The following DMTN variants were observed in gnomAD, a reference collection of about 807,000 sequenced individuals.
The protein encoded by DMTN is dematin actin binding protein, also known as dematin.
DMTN carries 27 observed loss-of-function variants against 59.4 expected under a neutral mutation model. The observed-to-expected ratio is 0.45, with a 90% CI of 0.33 to 0.63. The LOEUF is 0.63. Ranked by LOEUF, DMTN falls within the 20% of genes least tolerant of loss-of-function variation. The pLI is 0.02. For missense variants in DMTN, 451 were observed against 528.9 expected, an observed-to-expected ratio of 0.85 and a Z score of 1.45; for synonymous variants, 221 against 203.7, an observed-to-expected ratio of 1.08 and a Z score of -0.72.
At chr8:22,075,611 C>T (rs1490858230) in intron 10 of DMTN, among the ~76,000 whole-genome samples, 3 of 148,456 alleles carry the variant, frequency 2.0e-5, no homozygotes, top group African/African-American at 7.4e-5. Context: ...CACTGCCTCC[C>T]AGGTTCAAGC....
chr8:22,082,309 G>A lies in DMTN; in HGVS notation c.*846G>A. 2.2e-6 allele frequency: 1 copy of A among 447,854 alleles called. No individual in the cohort carries two copies. The highest frequency in any genetic ancestry group is 3.3e-4 in the Middle Eastern group (1 of 3,036). The allele number at this position is 447,854 out of a possible 1,614,324, so 27.7% of individuals were successfully genotyped here. On this transcript the variant is annotated 3_prime_UTR_variant, in exon 16 of 16. Transcript: ENST00000358242. ...GCTCTCTCAAGAATGTAATTTATTG[G>A]GGCCCCCCCAGCTGCTTTCCTCACC...
At chr8:22,072,128 G>A (rs1465565877) in intron 8 of DMTN, among the ~76,000 whole-genome samples, 198 bp from the exon 9 acceptor site, 14 of 151,976 alleles carry the variant, frequency 9.2e-5, no homozygotes, top group Admixed American at 8.5e-4. Context: ...GGGCTCAAGC[G>A]ATCCTCCCAC....
chr8:22,078,798 G>GTTTTTTTTTTTTTTTT (rs1224977627), intron 10 of DMTN, among the ~76,000 whole-genome samples: 6 of 85,088 alleles, frequency 7.1e-5, no homozygotes, highest in African/African-American at 9.1e-5. Flanking sequence ...ATGTCAGACT[G>GTTTTTTTTTTTTTTTT]TTTTTTTTTT....
chr8:22,057,611 C>T (rs1440023028), intron 1 of DMTN, among the ~76,000 whole-genome samples: 3 of 152,148 alleles, frequency 2.0e-5, no homozygotes, highest in Non-Finnish European at 2.9e-5. Flanking sequence ...GGAGAGCCTG[C>T]CCCCAGCCAG....
chr8:22,068,575 G>A (rs1812630048), intron 4 of DMTN, among the ~76,000 whole-genome samples: 1 of 151,912 alleles, frequency 6.6e-6, no homozygotes, highest in African/African-American at 2.4e-5. Flanking sequence ...AAAGAAAGAT[G>A]AGAGAGGGAT....
intron 1 of DMTN, among the ~76,000 whole-genome samples, chr8:22,062,120 G>A (rs967618240): frequency 1.3e-5 from 2 of 151,474 alleles, no homozygotes; most frequent in African/African-American, 4.9e-5. Context: ...TTCTTTCCCT[G>A]TCCTCTCCTT....
Position 22,081,929 on chromosome 8 carries a change from G to C in DMTN, c.*466G>C. The C allele has an allele frequency of 2.2e-6, 1 of 450,762 alleles. No individual in the cohort carries two copies. The highest frequency in any genetic ancestry group is 4.4e-6 in the Non-Finnish European group (1 of 226,388). 27.9% of individuals were successfully genotyped at this position (450,762 alleles called of 1,614,324 possible). On this transcript the variant is annotated 3_prime_UTR_variant, in exon 16 of 16. Transcript: ENST00000358242. Reference sequence around the variant, plus strand: ...CAGCTTTCCTGCACTGCAGCCTCCTGCTCCTCTGACTCTAGTGGGAACAGG... The same window carrying C: ...CAGCTTTCCTGCACTGCAGCCTCCTCCTCCTCTGACTCTAGTGGGAACAGG...
In DMTN at chr8:22,068,430, T is replaced by TAC. The variant is rs1340849285; in HGVS notation, c.250-586_250-585insAC. Among the ~76,000 whole-genome samples, 7 of 152,294 alleles carry TAC rather than the reference T, an allele frequency of 4.6e-5. No homozygotes were observed. In the East Asian group the frequency reaches 1.4e-3, roughly 29 times the overall value. ...CATCTCTACAAAAATTAGCAAGATGTGGTGCTGTGCACCTGTAGTTTCAGC... is the reference window on the plus strand; with the variant it reads ...CATCTCTACAAAAATTAGCAAGATGTACGGTGCTGTGCACCTGTAGTTTCAGC... On this transcript the variant is annotated intron_variant, in intron 4 of 15. Transcript: ENST00000358242.
intron 1 of DMTN, among the ~76,000 whole-genome samples, chr8:22,057,459 G>A (rs1172238211): frequency 1.3e-5 from 2 of 152,320 alleles, no homozygotes; most frequent in East Asian, 3.9e-4. Context: ...GGGGCACGGG[G>A]TGGGCAGGGG....
At chr8:22,071,767 A>T (rs113980656) in intron 8 of DMTN, among the ~76,000 whole-genome samples, 1,897 of 151,760 alleles carry the variant, frequency 0.013, 42 homozygotes, top group African/African-American at 0.044. Context: ...TTTTTAATAG[A>T]GATGGGGTTT....
chr8:22,077,580 A>C (rs1350307428), intron 10 of DMTN, among the ~76,000 whole-genome samples: 1 of 152,172 alleles, frequency 6.6e-6, no homozygotes, highest in Non-Finnish European at 1.5e-5. Flanking sequence ...TGAAGGTTGG[A>C]TTCAGTGTCA....
Position 22,081,804 on chromosome 8 carries a change from T to C in DMTN, c.*341T>C. ...TTGGTGGTTAGGCCGGTTGGCTGTC[T>C]TGAACAGCTGGAGGGAAGATGCAGG... On this transcript the variant is annotated 3_prime_UTR_variant, in exon 16 of 16. Coordinates refer to ENST00000358242, the MANE Select transcript of DMTN (RefSeq NM_001387751.1). The C allele has an allele frequency of 2.0e-6, 1 of 491,526 alleles. No homozygotes were observed. Among genetic ancestry groups the C allele is most frequent in the South Asian group, 1.6e-5 (1 of 64,270 alleles). 30.4% of individuals were successfully genotyped at this position (491,526 alleles called of 1,614,324 possible).
chr8:22,050,504 T>C (rs1033490007), upstream of DMTN, among the ~76,000 whole-genome samples: 5 of 152,240 alleles, frequency 3.3e-5, no homozygotes, highest in Middle Eastern at 3.4e-3. Context: ...TGCCTCCGCT[T>C]TCTTCTCGGC....
Position 22,069,059 on chromosome 8 carries a change from A to T in DMTN, c.293A>T (p.Glu98Val). The change falls in exon 5 of 16, where the codon GAG becomes GTG. Residue 98 changes from glutamate to valine, a missense_variant and splice_region_variant. By Grantham distance (121) the Glu-to-Val change is moderately radical. Transcript: ENST00000358242. ...PKSTSPPPSP[E>V]VWADSRSPGI... The stretch of plus-strand genomic sequence containing the variant: ...TCCACATCCCCCCCACCATCCCCAG[A>T]GGTGAGTCTGCCCCACACCTGCAAC... The T allele has an allele frequency of 3.1e-6, 5 of 1,611,620 alleles. No homozygotes were observed. The highest frequency in any genetic ancestry group is 4.2e-6 in the Non-Finnish European group (5 of 1,178,770).
Position 22,067,073 on chromosome 8 carries a change from C to G in DMTN, c.19-12C>G, listed in dbSNP as rs746360648. On this transcript the variant is annotated splice_polypyrimidine_tract_variant and intron_variant, in intron 2 of 15. Coordinates refer to ENST00000358242, the MANE Select transcript of DMTN (RefSeq NM_001387751.1). ...GCACGTGCCCACCCGCCCGCCTTCT[C>G]GCTCTCCCCAGCAACCACTTACCTC... The G allele has an allele frequency of 6.3e-7, 1 of 1,575,074 alleles. No individual in the cohort carries two copies. The highest frequency in any genetic ancestry group is 1.8e-5 in the Admixed American group (1 of 56,172).
chr8:22,062,235 G>A (rs1038075469), intron 1 of DMTN, among the ~76,000 whole-genome samples: 5 of 145,656 alleles, frequency 3.4e-5, no homozygotes, highest in Admixed American at 7.1e-5. Context: ...GACTATAGGC[G>A]TACTTCACGA....
At chr8:22,065,428 T>A (rs527510682) in intron 1 of DMTN, among the ~76,000 whole-genome samples, 1 of 152,328 alleles carries the variant, frequency 6.6e-6, no homozygotes, top group South Asian at 2.1e-4. Flanking sequence ...AGAGAAGGGT[T>A]GATCCATGAG....
At chr8:22,050,999 G>A (rs1055191115), upstream of DMTN, among the ~76,000 whole-genome samples, 1 of 152,184 alleles carries the variant, frequency 6.6e-6, no homozygotes, top group African/African-American at 2.4e-5. Flanking sequence ...GATTTAACAT[G>A]CACATCTAGG....
upstream of DMTN, among the ~76,000 whole-genome samples, chr8:22,054,314 C>G (rs1275357380): frequency 6.8e-6 from 1 of 147,292 alleles, no homozygotes; most frequent in Non-Finnish European, 1.5e-5. Context: ...ATGTGAGACT[C>G]AGGCATGGTG....
Sources: gnomAD v4.1 joint callset for allele counts (sites outside exome capture counted in the v4.1 genomes callset) on GRCh38, gnomAD v4.1.1 for gene constraint, MANE v1.5 for transcripts, NCBI Gene and HGNC (gene_info 2026-07-23, HGNC 2026-07-21) for gene names.